Variants in GALNTL6 observed in about 807,000 individuals in gnomAD.
The protein encoded by GALNTL6 is polypeptide N-acetylgalactosaminyltransferase-like 6.
A neutral mutation model predicts 73.7 loss-of-function variants in GALNTL6; 46 were observed. The observed-to-expected ratio is 0.62, with a 90% CI of 0.49 to 0.80. GALNTL6 has a LOEUF of 0.80. GALNTL6 is among the 30% of genes least tolerant of loss of function. The pLI, the probability that GALNTL6 is intolerant of heterozygous loss-of-function variation, is 0.00. For missense variants in GALNTL6, 604 were observed against 755.0 expected (o/e 0.80, Z 2.34); for synonymous variants, 259 against 263.7 (o/e 0.98, Z 0.17).
chr4:171,877,464 A>G (rs1440825030), intron 2 of GALNTL6, among the ~76,000 whole-genome samples: 1 of 152,224 alleles, frequency 6.6e-6, no homozygotes, highest in Non-Finnish European at 1.5e-5. Flanking sequence ...ATCCGAGATC[A>G]TGACAGGCCT....
rs186677999 is a variant in GALNTL6 at position 172,772,047 on chromosome 4, C to T, written c.554-37314C>T. On this transcript the variant is annotated intron_variant, in intron 5 of 12. Coordinates refer to ENST00000506823, the MANE Select transcript of GALNTL6 (RefSeq NM_001034845.3). ...CAATCATGGCGAAAGGTGAAAGGCACGTCTCACATGGCAGCAGACAAGCAA... is the reference window on the plus strand; with the variant it reads ...CAATCATGGCGAAAGGTGAAAGGCATGTCTCACATGGCAGCAGACAAGCAA... 3.4e-3 allele frequency among the ~76,000 whole-genome samples: 520 copies of T among 151,812 alleles called. 4 individuals are homozygous for T. The highest frequency in any genetic ancestry group is 6.4e-3 in the Non-Finnish European group (436 of 67,984).
chr4:171,948,912 A>C (rs902974019), intron 2 of GALNTL6, among the ~76,000 whole-genome samples: 1 of 152,036 alleles, frequency 6.6e-6, no homozygotes, highest in Non-Finnish European at 1.5e-5. Context: ...TTGCAGAATA[A>C]TATGGACAGT....
At chr4:172,353,890 A>G (rs333378) in intron 5 of GALNTL6, among the ~76,000 whole-genome samples, 14,834 of 152,168 alleles carry the variant, frequency 0.097, 805 homozygotes, top group East Asian at 0.18. Context: ...GATTTCACAA[A>G]TGATGATGTC....
chr4:172,767,167 ATTAT>A (rs1471244799), intron 5 of GALNTL6, among the ~76,000 whole-genome samples: 1 of 152,218 alleles, frequency 6.6e-6, no homozygotes, highest in Non-Finnish European at 1.5e-5. Context: ...CTTTCAACGT[ATTAT>A]TTGTGTCAGA....
At chr4:172,271,453 A>T (rs1262672178) in intron 3 of GALNTL6, among the ~76,000 whole-genome samples, 2 of 152,134 alleles carry the variant, frequency 1.3e-5, no homozygotes, top group African/African-American at 2.4e-5. Flanking sequence ...ATACATATAT[A>T]TATAGTTTGA....
chr4:172,813,729 T>C lies in GALNTL6; in HGVS notation c.923+6T>C. 1 of 1,588,098 alleles carries C rather than the reference T, an allele frequency of 6.3e-7. No homozygotes were observed. The highest frequency in any genetic ancestry group is 8.6e-7 in the Non-Finnish European group (1 of 1,159,870). On this transcript the variant is annotated splice_donor_region_variant and intron_variant, in intron 7 of 12. Coordinates refer to ENST00000506823, the MANE Select transcript of GALNTL6 (RefSeq NM_001034845.3). ...GATCCCAGCGACCCTTTTGAGTGAG[T>C]AGCAGCCAAGGGAGGGGCCGAGGGG...
At chr4:172,471,036 GC>G (rs1733026468) in intron 5 of GALNTL6, among the ~76,000 whole-genome samples, 1 of 152,186 alleles carries the variant, frequency 6.6e-6, no homozygotes, top group African/African-American at 2.4e-5. Flanking sequence ...TTCAGAGGCA[GC>G]TGGTAAACAA....
chr4:172,450,216 A>T (rs111600020), intron 5 of GALNTL6, among the ~76,000 whole-genome samples: 212 of 14,480 alleles, frequency 0.015, 2 homozygotes, highest in African/African-American at 0.044. Context: ...AAACTCCATT[A>T]AAAAAAAAAA....
At chr4:171,868,615 ACCT>A (rs2110890496) in intron 2 of GALNTL6, among the ~76,000 whole-genome samples, 1 of 151,990 alleles carries the variant, frequency 6.6e-6, no homozygotes, top group East Asian at 1.9e-4. Flanking sequence ...CAAATATTCT[ACCT>A]CCCTTGAATC....
At chr4:172,217,740 A>C (rs1736541398) in intron 2 of GALNTL6, among the ~76,000 whole-genome samples, 1 of 152,086 alleles carries the variant, frequency 6.6e-6, no homozygotes. Flanking sequence ...TCATTGCAAA[A>C]TTTTGTCCTA....
intron 7 of GALNTL6, among the ~76,000 whole-genome samples, chr4:172,853,258 G>A (rs1682994864): frequency 6.6e-6 from 1 of 152,160 alleles, no homozygotes; most frequent in Non-Finnish European, 1.5e-5. Flanking sequence ...GCTTTTTCTG[G>A]GTGTTAGCTG....
At chr4:171,976,583 T>C (rs1342086198) in intron 2 of GALNTL6, among the ~76,000 whole-genome samples, 3 of 152,214 alleles carry the variant, frequency 2.0e-5, no homozygotes, top group Non-Finnish European at 2.9e-5. Flanking sequence ...GAGTATAACA[T>C]GCAGCGTTTC....
intron 2 of GALNTL6, among the ~76,000 whole-genome samples, chr4:172,110,318 TA>T (rs1446514477): frequency 6.6e-6 from 1 of 152,154 alleles, no homozygotes; most frequent in Non-Finnish European, 1.5e-5. Flanking sequence ...GATAAGGAAA[TA>T]AAACGTGGTT....
chr4:172,935,822 AC>A (rs1177721787), intron 9 of GALNTL6, among the ~76,000 whole-genome samples: 1 of 152,204 alleles, frequency 6.6e-6, no homozygotes, highest in Non-Finnish European at 1.5e-5. Flanking sequence ...CCAGGACCAG[AC>A]GGATTCACAG....
intron 2 of GALNTL6, among the ~76,000 whole-genome samples, chr4:172,097,431 A>G (rs557012727): frequency 2.0e-5 from 3 of 152,264 alleles, no homozygotes; most frequent in African/African-American, 7.2e-5. Flanking sequence ...TCTGCCCATT[A>G]TGAGGAAGGC....
chr4:172,357,454 G>A (rs1742198854), intron 5 of GALNTL6, among the ~76,000 whole-genome samples: 1 of 152,126 alleles, frequency 6.6e-6, no homozygotes. Flanking sequence ...CATTCTAGAA[G>A]AGAGAGAGGC....
At chr4:172,625,674 C>T (rs1739139987) in intron 5 of GALNTL6, among the ~76,000 whole-genome samples, 1 of 152,046 alleles carries the variant, frequency 6.6e-6, no homozygotes, top group South Asian at 2.1e-4. Context: ...TCCTCAGCCT[C>T]ACCAATGTCT....
chr4:172,209,349 A>G (rs978322764), intron 2 of GALNTL6, among the ~76,000 whole-genome samples: 2 of 151,932 alleles, frequency 1.3e-5, no homozygotes, highest in Non-Finnish European at 2.9e-5. Flanking sequence ...TTCCCTCCAC[A>G]AAAGGCAATC....
intron 2 of GALNTL6, among the ~76,000 whole-genome samples, chr4:171,852,313 A>G (rs933230874): frequency 5.3e-5 from 8 of 152,176 alleles, no homozygotes; most frequent in Non-Finnish European, 8.8e-5. Flanking sequence ...CTTCTTTTGC[A>G]TATAAGTGGC....
Sources: allele counts gnomAD v4.1 joint callset (sites outside exome capture counted in the v4.1 genomes callset), GRCh38; gene constraint gnomAD v4.1.1; transcripts MANE v1.5; gene names NCBI Gene and HGNC (gene_info 2026-07-23, HGNC 2026-07-21).